The following NOP9 variants were observed in gnomAD, a reference collection of about 807,000 sequenced individuals.
NOP9 encodes the protein NOP9 nucleolar protein.
NOP9 carries 50 observed loss-of-function variants against 63.0 expected under a neutral mutation model. The ratio of observed to expected loss-of-function variants is 0.79; its 90% CI spans 0.63 to 1.00. The LOEUF (loss-of-function observed/expected upper bound fraction) is 1.00. Ranked by LOEUF, NOP9 falls within the 50% of genes least tolerant of loss-of-function variation. The probability of loss-of-function intolerance (pLI) is 0.00; values close to 1 mark genes in which losing one functional copy is unlikely to be tolerated. For missense variants in NOP9, 758 were observed against 803.0 expected (o/e 0.94, Z 0.68); for synonymous variants, 343 against 332.8 (o/e 1.03, Z -0.33).
chr14:24,296,549 G>A, upstream of NOP9: 1 of 1,614,162 alleles, frequency 6.2e-7, no homozygotes, highest in Non-Finnish European at 8.5e-7. Context: ...ATGGAGGCAG[G>A]GGTTTCCCAG....
Position 24,300,815 on chromosome 14 carries a change from C to T in NOP9, c.655C>T (p.Leu219=). Residue 219 remains leucine, a synonymous_variant, in exon 2 of 10, where the codon CTG becomes TTG. Coordinates refer to ENST00000267425, the MANE Select transcript of NOP9 (RefSeq NM_174913.3). ...GCTTCAGGTGTTAGGAGGGACTATT[C>T]TGGAGTCTGAGAGAGCCAGGCCCCG... is the stretch of plus-strand genomic sequence containing the variant. ...TLLQVLGGTI[L]ESERARPRGS... The T allele has an allele frequency of 6.2e-7, 1 of 1,614,124 alleles. No individual in the cohort carries two copies. The highest frequency in any genetic ancestry group is 8.5e-7 in the Non-Finnish European group (1 of 1,179,988).
the NOP9 span, among the ~76,000 whole-genome samples, chr14:24,285,468 C>T: frequency 6.6e-6 from 1 of 152,118 alleles, no homozygotes; most frequent in Non-Finnish European, 1.5e-5. Context: ...AATTATGACT[C>T]CTCTGCTGGA....
chr14:24,284,977 T>A, the NOP9 span, among the ~76,000 whole-genome samples: 1 of 152,170 alleles, frequency 6.6e-6, no homozygotes, highest in South Asian at 2.1e-4. Flanking sequence ...CAGGAGCTGA[T>A]GGAAACTCCT....
chr14:24,285,197 G>T, the NOP9 span, among the ~76,000 whole-genome samples: 2 of 152,202 alleles, frequency 1.3e-5, no homozygotes, highest in Non-Finnish European at 2.9e-5. Context: ...GCATCTCACA[G>T]CCATGTTTGG....
At chr14:24,281,934 A>T in the NOP9 span, among the ~76,000 whole-genome samples, 12 of 152,222 alleles carry the variant, frequency 7.9e-5, no homozygotes, top group Admixed American at 7.2e-4. Flanking sequence ...AGAGGCCGGC[A>T]CAGTGGCTCA....
At chr14:24,274,903 C>CG in the NOP9 span, among the ~76,000 whole-genome samples, 1 of 118,810 alleles carries the variant, frequency 8.4e-6, no homozygotes, top group Non-Finnish European at 1.8e-5. Context: ...CCACCATGTC[C>CG]GGCTTTTTTT....
Position 24,309,096 on chromosome 14 carries a change from C to G in NOP9, c.*4001C>G, listed in dbSNP as rs1428513077. 6.6e-6 allele frequency: 1 copy of G among 152,254 alleles called. No homozygotes were observed. The highest frequency in any genetic ancestry group is 2.4e-5 in the African/African-American group (1 of 41,458). 9.4% of individuals were successfully genotyped at this position (152,254 alleles called of 1,614,324 possible). ...TACGCTGTAGCCCACTCATTAAGTA[C>G]ATTCTCCTAATAAATGCTTTGGACT... On this transcript the variant is annotated 3_prime_UTR_variant, in exon 10 of 10. Coordinates refer to ENST00000267425, the MANE Select transcript of NOP9 (RefSeq NM_174913.3).
At chr14:24,271,831 A>G in the NOP9 span, 2 of 152,030 alleles carry the variant, frequency 1.3e-5, no homozygotes, top group Non-Finnish European at 2.9e-5. Flanking sequence ...CCGCACCTTC[A>G]CTACTCCACT....
the NOP9 span, chr14:24,291,314 G>A: frequency 7.6e-7 from 1 of 1,312,560 alleles, no homozygotes; most frequent in Non-Finnish European, 1.1e-6. Flanking sequence ...TGAGAGCCCT[G>A]GAGCTCAGGA....
At chr14:24,271,320 C>G in the NOP9 span, 1 of 518,904 alleles carries the variant, frequency 1.9e-6, no homozygotes, top group Non-Finnish European at 3.2e-6. Flanking sequence ...GGTGAGCACC[C>G]GGACTAGGAC....
chr14:24,290,954 A>T, the NOP9 span: 3 of 1,614,136 alleles, frequency 1.9e-6, no homozygotes, highest in East Asian at 6.7e-5. Flanking sequence ...GACACGTGTG[A>T]GAGAACAGAG....
In NOP9 at chr14:24,306,326, A is replaced by G; in HGVS notation, c.*1231A>G. On this transcript the variant is annotated 3_prime_UTR_variant, in exon 10 of 10. Coordinates refer to ENST00000267425, the MANE Select transcript of NOP9 (RefSeq NM_174913.3). ...TTAAGCTAGAGAGGAAGCCCGGGAA[A>G]GCTCTAAAGGACAGGCATTGGAAGC... is the stretch of plus-strand genomic sequence containing the variant. The G allele has an allele frequency of 2.3e-5, 37 of 1,610,344 alleles. No individual in the cohort carries two copies. The highest frequency in any genetic ancestry group is 3.1e-5 in the Non-Finnish European group (36 of 1,176,904).
At chr14:24,277,763 G>A in the NOP9 span, among the ~76,000 whole-genome samples, 2 of 152,324 alleles carry the variant, frequency 1.3e-5, no homozygotes, top group East Asian at 1.9e-4. Context: ...ACTGTGGGAG[G>A]AGGGTGGAAG....
chr14:24,293,049 A>C, the NOP9 span: 5 of 439,470 alleles, frequency 1.1e-5, no homozygotes, highest in Non-Finnish European at 1.6e-5. Context: ...AATTACAAAC[A>C]AAATTGTTCA....
At chr14:24,301,489 C>T (rs2041375346) in intron 2 of NOP9, 123 bp from the exon 3 acceptor site, 10 of 1,154,628 alleles carry the variant, frequency 8.7e-6, no homozygotes, top group Non-Finnish European at 1.2e-5. Context: ...CCAGAAGAGA[C>T]ATTTAGTTGT....
At chr14:24,302,861 G>A (rs772173514) in intron 5 of NOP9, among the ~76,000 whole-genome samples, 5 of 152,198 alleles carry the variant, frequency 3.3e-5, no homozygotes, top group Non-Finnish European at 7.3e-5. Context: ...TTACACATAG[G>A]GAAGAGCCAC....
rs1053649 is a variant in NOP9, at chr14:24,307,195, C to A, written c.*2100C>A. 0.95 allele frequency: 585,980 copies of A among 615,498 alleles called. 279,223 individuals are homozygous for A. The highest frequency in any genetic ancestry group is 0.97 in the Middle Eastern group (2,118 of 2,182). The allele number at this position is 615,498 out of a possible 1,614,324, so 38.1% of individuals were successfully genotyped here. A position where few individuals can be genotyped will look rare whatever the true frequency, so the allele number is the denominator to read the frequency against. ...CCCTGCTCCCATAGAAAAGCTCACT[C>A]GGTGGAAAATGAACAAATTGACCAG... is the stretch of plus-strand genomic sequence containing the variant. On this transcript the variant is annotated 3_prime_UTR_variant, in exon 10 of 10. Transcript: ENST00000267425.
the NOP9 span, among the ~76,000 whole-genome samples, chr14:24,284,346 A>ACCCTG: frequency 1.3e-5 from 2 of 152,120 alleles, no homozygotes; most frequent in East Asian, 3.9e-4. Context: ...GTACCCGTCC[A>ACCCTG]CCCTGCCCTG....
upstream of NOP9, chr14:24,298,964 G>A (rs1268098510): frequency 6.2e-7 from 1 of 1,608,786 alleles, no homozygotes; most frequent in East Asian, 2.2e-5. Context: ...CACCTCCTGA[G>A]CAACAACGCG....
Sources: gnomAD v4.1 joint callset for allele counts (sites outside exome capture counted in the v4.1 genomes callset) on GRCh38, gnomAD v4.1.1 for gene constraint, MANE v1.5 for transcripts, NCBI Gene and HGNC (gene_info 2026-07-23, HGNC 2026-07-21) for gene names.